Variants in SPAG16 observed in about 807,000 individuals in gnomAD.
SPAG16 encodes sperm-associated antigen 16 protein.
SPAG16 carries 86 observed loss-of-function variants against 80.4 expected under a neutral mutation model. The observed-to-expected ratio is 1.07, with a 90% CI of 0.90 to 1.28. SPAG16 has a LOEUF of 1.28. SPAG16 is among the 50% of genes most tolerant of loss of function. SPAG16 has a pLI of 0.00. For missense variants in SPAG16, 870 were observed against 765.3 expected, an observed-to-expected ratio of 1.14 and a Z score of -1.61; for synonymous variants, 294 against 265.9, an observed-to-expected ratio of 1.11 and a Z score of -1.03.
chr2:214,393,552 TTATATAAAATA>T lies in SPAG16; in HGVS notation c.1721-16585_1721-16575del, dbSNP rs576775677. 2.2e-3 allele frequency among the ~76,000 whole-genome samples: 331 copies of T among 151,688 alleles called. 1 individual carries two copies. Among genetic ancestry groups the T allele is most frequent in the Admixed American group, 5.1e-3 (78 of 15,252 alleles). Reference sequence around the variant, plus strand: ...GCAAAATAATTAAACTAAAATATAATTATATAAAATATAATTAATGAAAATAAATTGTTATA... The same window carrying T: ...GCAAAATAATTAAACTAAAATATAATTAATTAATGAAAATAAATTGTTATA... On this transcript the variant is annotated intron_variant, in intron 15 of 15. Coordinates refer to ENST00000331683, the MANE Select transcript of SPAG16 (RefSeq NM_024532.5).
intron 15 of SPAG16, among the ~76,000 whole-genome samples, chr2:214,265,553 T>G (rs1178357124): frequency 6.6e-6 from 1 of 152,002 alleles, no homozygotes; most frequent in Admixed American, 6.6e-5. Flanking sequence ...CAGTCTTTAG[T>G]TTATCTTTTT....
intron 10 of SPAG16, among the ~76,000 whole-genome samples, chr2:213,798,308 C>G (rs966313382): frequency 9.2e-5 from 14 of 152,162 alleles, no homozygotes; most frequent in African/African-American, 2.4e-4. Context: ...GGCTGGAATG[C>G]AGTGGCACAA....
intron 12 of SPAG16, among the ~76,000 whole-genome samples, chr2:213,946,314 C>T (rs1003717745): frequency 3.3e-5 from 5 of 152,194 alleles, no homozygotes; most frequent in Middle Eastern, 3.4e-3. Context: ...GGGGTTTTAC[C>T]ATATTGGCCA....
At chr2:213,841,826 A>G (rs925376277) in intron 10 of SPAG16, among the ~76,000 whole-genome samples, 2 of 152,164 alleles carry the variant, frequency 1.3e-5, no homozygotes, top group African/African-American at 4.8e-5. Flanking sequence ...ACAAATATTA[A>G]TATAACTAAA....
intron 1 of SPAG16, among the ~76,000 whole-genome samples, chr2:213,294,007 C>G (rs534168621): frequency 6.6e-6 from 1 of 152,282 alleles, no homozygotes; most frequent in Non-Finnish European, 1.5e-5. Flanking sequence ...AGTTACTGTG[C>G]TATACATTAG....
chr2:214,291,062 T>C (rs1444473354), intron 15 of SPAG16, among the ~76,000 whole-genome samples: 2 of 152,150 alleles, frequency 1.3e-5, no homozygotes, highest in Non-Finnish European at 2.9e-5. Flanking sequence ...TATATATATT[T>C]AGAATTGTTA....
intron 9 of SPAG16, among the ~76,000 whole-genome samples, chr2:213,376,193 T>C (rs909395209): frequency 6.6e-6 from 1 of 151,856 alleles, no homozygotes; most frequent in Non-Finnish European, 1.5e-5. Flanking sequence ...ATTTTTGGAA[T>C]GATGGAGGTG....
intron 15 of SPAG16, among the ~76,000 whole-genome samples, chr2:214,174,347 A>C (rs1295115922): frequency 1.3e-5 from 2 of 152,098 alleles, no homozygotes; most frequent in East Asian, 3.9e-4. Flanking sequence ...TCTCAGCCCA[A>C]AATCTCCTTA....
chr2:214,052,190 G>A (rs759841878), intron 13 of SPAG16, among the ~76,000 whole-genome samples: 2 of 152,136 alleles, frequency 1.3e-5, no homozygotes, highest in Admixed American at 6.6e-5. Flanking sequence ...AGCTTCTTAC[G>A]ATAGAAGCAT....
intron 1 of SPAG16, among the ~76,000 whole-genome samples, chr2:213,289,966 A>C (rs1387922668): frequency 6.6e-6 from 1 of 152,204 alleles, no homozygotes; most frequent in Non-Finnish European, 1.5e-5. Flanking sequence ...CATTTGCAGA[A>C]TGTTATTTGT....
chr2:213,930,057 G>A lies in SPAG16; in HGVS notation c.1312G>A (p.Ala438Thr), dbSNP rs747474099. ...TTTGACCTTTGAAGGACACAGCCGC[G>A]CAGTGTGGTCCTGCACATGGCACTC... ...CILTFEGHSR[A>T]VWSCTWHSCG... Residue 438 changes from alanine to threonine, a missense_variant, in exon 12 of 16, where the codon GCA becomes ACA. Physicochemically the swap from Ala to Thr is moderately conservative, Grantham distance 58. Coordinates refer to ENST00000331683, the MANE Select transcript of SPAG16 (RefSeq NM_024532.5). The A allele has an allele frequency of 2.0e-5, 32 of 1,614,008 alleles. No individual in the cohort carries two copies. In the East Asian group the frequency reaches 5.3e-4, roughly 27 times the overall value.
At chr2:213,709,582 G>T (rs1264020617) in intron 10 of SPAG16, among the ~76,000 whole-genome samples, 2 of 151,796 alleles carry the variant, frequency 1.3e-5, no homozygotes, top group Non-Finnish European at 2.9e-5. Flanking sequence ...AAAAATTCAA[G>T]ATACTAGGAG....
chr2:214,241,375 A>C (rs1231799313), intron 15 of SPAG16: 1 of 151,296 alleles, frequency 6.6e-6, no homozygotes, highest in Non-Finnish European at 1.5e-5. Context: ...AAAAAAAAAA[A>C]AGAGGAAGAA....
intron 10 of SPAG16, among the ~76,000 whole-genome samples, chr2:213,754,584 C>T (rs773693962): frequency 2.6e-5 from 4 of 152,092 alleles, no homozygotes; most frequent in Non-Finnish European, 2.9e-5. Context: ...CTTATGAGAT[C>T]TAAATTTGTA....
chr2:213,955,280 T>A (rs919424978), intron 12 of SPAG16, among the ~76,000 whole-genome samples: 3 of 152,158 alleles, frequency 2.0e-5, no homozygotes, highest in Non-Finnish European at 2.9e-5. Flanking sequence ...ATTTTTCTTA[T>A]GTTTTCTTCC....
At chr2:214,215,248 C>T (rs2058398376) in intron 15 of SPAG16, among the ~76,000 whole-genome samples, 1 of 152,164 alleles carries the variant, frequency 6.6e-6, no homozygotes, top group South Asian at 2.1e-4. Context: ...CTTGTCCCAA[C>T]TGATCAGCTG....
chr2:214,256,386 A>G (rs1010748471), intron 15 of SPAG16, among the ~76,000 whole-genome samples: 3 of 151,714 alleles, frequency 2.0e-5, no homozygotes, highest in African/African-American at 7.3e-5. Flanking sequence ...TGTTTTTTCT[A>G]GTTTGTGGCT....
chr2:214,067,568 A>T (rs965924350), intron 13 of SPAG16, among the ~76,000 whole-genome samples: 3 of 152,084 alleles, frequency 2.0e-5, no homozygotes, highest in African/African-American at 7.2e-5. Flanking sequence ...CTTATAAAAT[A>T]TACTCAAAAT....
At chr2:213,515,555 G>A (rs1287340993) in intron 10 of SPAG16, among the ~76,000 whole-genome samples, 1 of 152,116 alleles carries the variant, frequency 6.6e-6, no homozygotes, top group Non-Finnish European at 1.5e-5. Flanking sequence ...TTAAAATGAT[G>A]TAATTCCTTT....
Sources: allele counts gnomAD v4.1 joint callset (sites outside exome capture counted in the v4.1 genomes callset), GRCh38; gene constraint gnomAD v4.1.1; transcripts MANE v1.5; gene names NCBI Gene and HGNC (gene_info 2026-07-23, HGNC 2026-07-21).